ACO1: variants seen among roughly 807,000 people sequenced by gnomAD.
ACO1 encodes the protein cytoplasmic aconitate hydratase.
ACO1 carries 78 observed loss-of-function variants against 105.1 expected under a neutral mutation model. The observed-to-expected ratio is 0.74, with a 90% CI of 0.62 to 0.90. The LOEUF (loss-of-function observed/expected upper bound fraction) is 0.90, where lower values mean the gene tolerates loss of function less well. Among genes scored for constraint, ACO1 ranks in the 40% least tolerant of loss-of-function variants. The pLI, the probability that ACO1 is intolerant of heterozygous loss-of-function variation, is 0.00. For missense variants in ACO1, 965 were observed against 1,111.1 expected, an observed-to-expected ratio of 0.87 and a Z score of 1.87; for synonymous variants, 364 against 397.4, an observed-to-expected ratio of 0.92 and a Z score of 1.00.
In ACO1 at chr9:32,421,762, AAAG is replaced by A. The variant is rs1212325603; in HGVS notation, c.970+738_970+740del. 2.0e-5 allele frequency among the ~76,000 whole-genome samples: 3 copies of A among 152,220 alleles called. No individual in the cohort carries two copies. In the South Asian group the frequency reaches 6.2e-4, roughly 32 times the overall value. On this transcript the variant is annotated intron_variant, in intron 8 of 20. Transcript: ENST00000309951. ...GAGAGACTGTCTCAAAAAAAAGAAAAAAGAAAAGAAATGAGAGTGTGATGTGAT... is the reference window on the plus strand; with the variant it reads ...GAGAGACTGTCTCAAAAAAAAGAAAAAAAAGAAATGAGAGTGTGATGTGAT...
intron 1 of ACO1, among the ~76,000 whole-genome samples, chr9:32,389,555 A>G (rs1821222555): frequency 6.6e-6 from 1 of 151,962 alleles, no homozygotes; most frequent in African/African-American, 2.4e-5. Context: ...ATGTAGTCAC[A>G]TTGTGCTGTG....
intron 1 of ACO1, among the ~76,000 whole-genome samples, 166 bp downstream of exon 1, chr9:32,384,901 C>G (rs1010423207): frequency 1.3e-5 from 2 of 152,260 alleles, no homozygotes; most frequent in Non-Finnish European, 2.9e-5. Context: ...GGACGTGTTT[C>G]TGGCGACTGA....
In ACO1 at chr9:32,418,117, C is replaced by G. The variant is rs751429417; in HGVS notation, c.405-11C>G. 4 of 1,612,992 alleles carry G rather than the reference C, an allele frequency of 2.5e-6. No individual in the cohort carries two copies. The highest frequency in any genetic ancestry group is 3.4e-6 in the Non-Finnish European group (4 of 1,179,392). On this transcript the variant is annotated splice_polypyrimidine_tract_variant and intron_variant, in intron 4 of 20. Coordinates refer to ENST00000309951, the MANE Select transcript of ACO1 (RefSeq NM_002197.3). ...CTCAAATTGTATACATTTAATTTTT[C>G]TCTCTGACAGGGCAGACAGTTTACA...
chr9:32,448,879 C>G lies in ACO1; in HGVS notation c.2371-17C>G, dbSNP rs748129120. The G allele has an allele frequency of 5.0e-6, 8 of 1,613,992 alleles. No homozygotes were observed. The East Asian group carries it at 1.6e-4, about 31-fold the overall frequency. On this transcript the variant is annotated splice_polypyrimidine_tract_variant and intron_variant, in intron 19 of 20. Coordinates refer to ENST00000309951, the MANE Select transcript of ACO1 (RefSeq NM_002197.3). ...AAAGATTGGAAGTATGTCTAAACTA[C>G]TGTCTTTATTCATCAGGGAATCAAA...
At position 32,407,319 on chromosome 9, in the gene ACO1, G is replaced by A; in HGVS notation, c.156G>A (p.Glu52=). ...AAGCAGCCATTCGGAATTGTGATGA[G>A]TTTTTGGTGAAGAAACAGGATATTG... ...LLEAAIRNCD[E]FLVKKQDIEN... The change falls in exon 3 of 21, where the codon GAG becomes GAA. Residue 52 remains glutamate, a synonymous_variant. Transcript: ENST00000309951. 3 of 1,614,126 alleles carry A rather than the reference G, an allele frequency of 1.9e-6. No homozygotes were observed. The highest frequency in any genetic ancestry group is 2.2e-5 in the East Asian group (1 of 44,870).
In ACO1 at chr9:32,445,169, A is replaced by ATAGTT. The variant is rs535464313; in HGVS notation, c.2371-3725_2371-3721dup. 2.5e-3 allele frequency among the ~76,000 whole-genome samples: 383 copies of ATAGTT among 152,298 alleles called. 2 individuals carry two copies. The highest frequency in any genetic ancestry group is 4.6e-3 in the Non-Finnish European group (311 of 68,022). ...ATTCCCTCTTTTTCTATTGATTGGA[A>ATAGTT]TAGTTTCAGAAGGAATGGTACCAGC... is the stretch of plus-strand genomic sequence containing the variant. On this transcript the variant is annotated intron_variant, in intron 19 of 20. Transcript: ENST00000309951.
At chr9:32,384,796 C>A in intron 1 of ACO1, 61 bp downstream of exon 1, 1 of 325,392 alleles carries the variant, frequency 3.1e-6, no homozygotes, top group Non-Finnish European at 6.4e-6. Flanking sequence ...CCCTGTATCC[C>A]TCGAGAGTCG....
intron 17 of ACO1, among the ~76,000 whole-genome samples, chr9:32,435,167 T>C (rs1822328460): frequency 6.6e-6 from 1 of 152,196 alleles, no homozygotes; most frequent in Non-Finnish European, 1.5e-5. Flanking sequence ...GCCAGTATTA[T>C]CAACTACTGT....
intron 4 of ACO1, among the ~76,000 whole-genome samples, chr9:32,417,783 G>A (rs1339552918): frequency 6.6e-6 from 1 of 152,192 alleles, no homozygotes; most frequent in Non-Finnish European, 1.5e-5. Context: ...ATAGAAACAA[G>A]AGTTCTTTAA....
At chr9:32,429,353 C>A in intron 12 of ACO1, 66 bp from the exon 13 acceptor site, 2 of 1,471,112 alleles carry the variant, frequency 1.4e-6, no homozygotes, top group Non-Finnish European at 1.9e-6. Context: ...GAAACTGTGG[C>A]CAGCAGAAGG....
At chr9:32,398,769 C>T (rs1004905192) in intron 1 of ACO1, among the ~76,000 whole-genome samples, 22 of 151,850 alleles carry the variant, frequency 1.4e-4, no homozygotes, top group African/African-American at 4.8e-4. Context: ...AATTTTTTCA[C>T]TTTTTTGTAG....
Position 32,454,045 on chromosome 9 carries a change from C to T in ACO1, c.*3934C>T, listed in dbSNP as rs562604462. Reference sequence around the variant, plus strand: ...CCAAATTTGGTTCTGGTTGTCTTATCGTATGCAGGCTGGATACCTGCTACT... The same window carrying T: ...CCAAATTTGGTTCTGGTTGTCTTATTGTATGCAGGCTGGATACCTGCTACT... On this transcript the variant is annotated 3_prime_UTR_variant, in exon 21 of 21. Coordinates refer to ENST00000309951, the MANE Select transcript of ACO1 (RefSeq NM_002197.3). The T allele has an allele frequency of 2.6e-5, 4 of 152,278 alleles. No homozygotes were observed. Among genetic ancestry groups the T allele is most frequent in the Admixed American group, 6.5e-5 (1 of 15,298 alleles). The allele number at this position is 152,278 out of a possible 1,614,324, so 9.4% of individuals were successfully genotyped here.
At chr9:32,443,191 C>T (rs938559728) in intron 19 of ACO1, among the ~76,000 whole-genome samples, 1 of 151,826 alleles carries the variant, frequency 6.6e-6, no homozygotes, top group Non-Finnish European at 1.5e-5. Context: ...AAAATAAGGA[C>T]CACTAACTGA....
intron 8 of ACO1, among the ~76,000 whole-genome samples, chr9:32,421,839 C>T (rs1430494723): frequency 1.3e-5 from 2 of 152,190 alleles, no homozygotes; most frequent in African/African-American, 4.8e-5. Context: ...GGTGCTTGCA[C>T]AGATCTCTGG....
intron 18 of ACO1, 135 bp downstream of exon 18, chr9:32,436,532 GC>G: frequency 1.0e-6 from 1 of 988,782 alleles, no homozygotes; most frequent in Non-Finnish European, 1.5e-6. Flanking sequence ...AGTCCTCCTT[GC>G]CAGGTGTCCA....
At chr9:32,429,305 T>A in intron 12 of ACO1, 114 bp from the exon 13 acceptor site, 2 of 855,032 alleles carry the variant, frequency 2.3e-6, no homozygotes, top group Middle Eastern at 3.0e-4. Flanking sequence ...CTGAACTTAG[T>A]TCATGCACTG....
rs758388830 is a variant in ACO1 at position 32,434,647 on chromosome 9, C to T, written c.2045C>T (p.Pro682Leu). 2 of 1,614,114 alleles carry T rather than the reference C, an allele frequency of 1.2e-6. No individual in the cohort carries two copies. Among genetic ancestry groups the T allele is most frequent in the Non-Finnish European group, 1.7e-6 (2 of 1,179,986 alleles). ...GDSVTTDHIS[P>L]AGNIARNSPA... ...TCGGTAACAACTGACCACATCTCCC[C>T]AGCTGGAAATATTGCAAGAAACAGT... The change falls in exon 17 of 21, where the codon CCA (proline) becomes CTA (leucine). Residue 682 changes from proline (P) to leucine (L), a missense_variant. Coordinates refer to ENST00000309951, the MANE Select transcript of ACO1 (RefSeq NM_002197.3).
chr9:32,384,804 T>G, intron 1 of ACO1, 69 bp downstream of exon 1: 1 of 314,038 alleles, frequency 3.2e-6, no homozygotes, highest in Non-Finnish European at 6.7e-6. Context: ...CCCTCGAGAG[T>G]CGGTGCGGGC....
chr9:32,452,486 T>C lies in ACO1; in HGVS notation c.*2375T>C, dbSNP rs1418461110. Reference sequence around the variant, plus strand: ...TCTCACCAGATACTGAATCTGCCAGTGCCTTGAACCTAGACTTTCCAGCCA... The same window carrying C: ...TCTCACCAGATACTGAATCTGCCAGCGCCTTGAACCTAGACTTTCCAGCCA... On this transcript the variant is annotated 3_prime_UTR_variant, in exon 21 of 21. Transcript: ENST00000309951. 1 of 152,332 alleles carries C rather than the reference T, an allele frequency of 6.6e-6. No individual in the cohort carries two copies. The highest frequency in any genetic ancestry group is 1.5e-5 in the Non-Finnish European group (1 of 68,138). The allele number at this position is 152,332 out of a possible 1,614,324, so 9.4% of individuals were successfully genotyped here. A position where few individuals can be genotyped will look rare whatever the true frequency, so the allele number is the denominator to read the frequency against.
Sources: allele counts gnomAD v4.1 joint callset (sites outside exome capture counted in the v4.1 genomes callset), GRCh38; gene constraint gnomAD v4.1.1; transcripts MANE v1.5; gene names NCBI Gene and HGNC (gene_info 2026-07-23, HGNC 2026-07-21).